Variants in R3HDM1 observed in about 807,000 individuals in gnomAD.
R3HDM1 encodes R3H domain containing 1.
R3HDM1 carries 46 observed loss-of-function variants against 141.1 expected under a neutral mutation model. The ratio of observed to expected loss-of-function variants is 0.33; its 90% CI spans 0.26 to 0.42. The LOEUF is 0.42. Among genes scored for constraint, R3HDM1 ranks in the 10% least tolerant of loss-of-function variants. The probability of loss-of-function intolerance (pLI) is 1.00; values close to 1 mark genes in which losing one functional copy is unlikely to be tolerated. For missense variants in R3HDM1, 1,184 were observed against 1,368.3 expected (o/e 0.87, Z 2.12); for synonymous variants, 435 against 472.9 (o/e 0.92, Z 1.04).
intron 18 of R3HDM1, among the ~76,000 whole-genome samples, chr2:135,655,102 T>C (rs1470208669): frequency 6.6e-6 from 1 of 152,198 alleles, no homozygotes; most frequent in African/African-American, 2.4e-5. Context: ...GCTTGTGCTT[T>C]TGGTGTCATA....
At chr2:135,579,849 T>C (rs1706392019) in intron 1 of R3HDM1, among the ~76,000 whole-genome samples, 1 of 152,202 alleles carries the variant, frequency 6.6e-6, no homozygotes, top group Admixed American at 6.5e-5. Flanking sequence ...TCAGTAATTG[T>C]ACTATAATTT....
intron 1 of R3HDM1, among the ~76,000 whole-genome samples, chr2:135,558,449 C>T (rs974544157): frequency 5.9e-5 from 9 of 152,076 alleles, no homozygotes; most frequent in African/African-American, 1.7e-4. Context: ...CTGTTGTTTT[C>T]CCATTTGTAA....
chr2:135,578,386 A>G (rs1705982352), intron 1 of R3HDM1, among the ~76,000 whole-genome samples: 1 of 152,198 alleles, frequency 6.6e-6, no homozygotes, highest in South Asian at 2.1e-4. Context: ...ATACATGAGA[A>G]TGGGGTAGAA....
chr2:135,715,783 T>TTCTATTTCTACATTTA (rs1185861623), intron 24 of R3HDM1, 89 bp downstream of exon 24: 27 of 1,472,872 alleles, frequency 1.8e-5, no homozygotes, highest in African/African-American at 8.4e-5. Context: ...AATATTGCCT[T>TTCTATTTCTACATTTA]TCTATTTTCC....
chr2:135,582,617 C>T (rs1329619122), intron 1 of R3HDM1, among the ~76,000 whole-genome samples: 1 of 152,058 alleles, frequency 6.6e-6, no homozygotes, highest in Non-Finnish European at 1.5e-5. Context: ...GGCCAGAAAC[C>T]CACACTGCGT....
chr2:135,721,850 A>T, intron 24 of R3HDM1, 74 bp from the exon 25 acceptor site: 1 of 1,344,868 alleles, frequency 7.4e-7, no homozygotes, highest in Non-Finnish European at 1.0e-6. Context: ...AGCCTCCCAA[A>T]TTGCTAGGAT....
At chr2:135,628,905 C>T (rs956522897) in intron 7 of R3HDM1, among the ~76,000 whole-genome samples, 1 of 152,228 alleles carries the variant, frequency 6.6e-6, no homozygotes, top group South Asian at 2.1e-4. Flanking sequence ...GGATTACAGG[C>T]GTGAGCCACC....
At chr2:135,595,960 A>G (rs1223256737) in intron 1 of R3HDM1, among the ~76,000 whole-genome samples, 1 of 152,026 alleles carries the variant, frequency 6.6e-6, no homozygotes, top group Non-Finnish European at 1.5e-5. Flanking sequence ...TCTATTACTC[A>G]AGCTTCCTGT....
In R3HDM1 at chr2:135,680,177, C is replaced by T; in HGVS notation, c.2312C>T (p.Ser771Leu). ...PYTSVPTYQV[S>L]LPQGSQGIPH... ...AAATTGTCTTTCAAATTTTAGGTTT[C>T]ACTGCCTCAAGGTTCTCAAGGAATT... Residue 771 changes from serine to leucine, a missense_variant, in exon 21 of 27, where the codon TCA (serine) becomes TTA (leucine). Physicochemically the swap from Ser to Leu is moderately radical, Grantham distance 145. Transcript: ENST00000683871. 2 of 1,610,404 alleles carry T rather than the reference C, an allele frequency of 1.2e-6. No homozygotes were observed. The highest frequency in any genetic ancestry group is 1.7e-6 in the Non-Finnish European group (2 of 1,178,862).
chr2:135,686,615 G>T (rs59413285), intron 21 of R3HDM1, among the ~76,000 whole-genome samples: 31,325 of 152,156 alleles, frequency 0.21, 3,766 homozygotes, highest in East Asian at 0.44. Flanking sequence ...AAATACCTGT[G>T]AAGCTAGTCT....
intron 11 of R3HDM1, 87 bp downstream of exon 11, chr2:135,636,270 C>T: frequency 6.8e-7 from 1 of 1,478,328 alleles, no homozygotes; most frequent in East Asian, 2.3e-5. Context: ...CTATTGATCA[C>T]ATTTATTTTT....
At position 135,632,047 on chromosome 2, in the gene R3HDM1, A is replaced by G. The variant is rs1243268802; in HGVS notation, c.698+46A>G. 12 of 1,368,316 alleles carry G rather than the reference A, an allele frequency of 8.8e-6. No individual in the cohort carries two copies. The East Asian group carries it at 2.8e-4, about 32-fold the overall frequency. The allele number at this position is 1,368,316 out of a possible 1,614,324, so 84.8% of individuals were successfully genotyped here. A position where few individuals can be genotyped will look rare whatever the true frequency, so the allele number is the denominator to read the frequency against. On this transcript the variant is annotated intron_variant, in intron 9 of 26. Transcript: ENST00000683871. ...CTACATATTATATATCTAAATAATA[A>G]TACTTTATCTTTCTATATTACCTTT...
intron 1 of R3HDM1, among the ~76,000 whole-genome samples, chr2:135,569,375 T>C (rs1703533275): frequency 6.6e-6 from 1 of 151,676 alleles, no homozygotes; most frequent in Admixed American, 6.6e-5. Context: ...ACCAGCTACC[T>C]GGGAGGCTGA....
rs192091368 is a variant in R3HDM1 at position 135,723,413 on chromosome 2, C to A, written c.3050-524C>A. ...ACTAGGATTACAGGTGCGCCCGGCT[C>A]AGTAGCTTTAACACTATTAGCCCTC... On this transcript the variant is annotated intron_variant, in intron 26 of 26. Coordinates refer to ENST00000683871, the MANE Select transcript of R3HDM1 (RefSeq NM_001378107.1). Among the ~76,000 whole-genome samples the A allele has an allele frequency of 8.3e-4, 126 of 151,952 alleles. 2 individuals carry two copies. The highest frequency in any genetic ancestry group is 6.2e-3 in the Admixed American group (95 of 15,244).
chr2:135,576,574 A>T (rs1210958993), intron 1 of R3HDM1, among the ~76,000 whole-genome samples: 1 of 152,178 alleles, frequency 6.6e-6, no homozygotes, highest in Non-Finnish European at 1.5e-5. Context: ...TCATAGCATT[A>T]TTCATAACAG....
intron 5 of R3HDM1, chr2:135,619,809 A>T (rs1379718648): frequency 2.7e-6 from 2 of 728,956 alleles, no homozygotes; most frequent in East Asian, 2.6e-4. Flanking sequence ...GAGGCAATTA[A>T]GAGAGAGATG....
chr2:135,617,544 G>A (rs1027030867), intron 5 of R3HDM1, among the ~76,000 whole-genome samples: 4 of 151,978 alleles, frequency 2.6e-5, no homozygotes, highest in African/African-American at 9.7e-5. Flanking sequence ...TAGTTATCTA[G>A]TATTTCTAAT....
At chr2:135,703,843 C>T (rs112686434) in intron 21 of R3HDM1, among the ~76,000 whole-genome samples, 23 of 152,166 alleles carry the variant, frequency 1.5e-4, no homozygotes, top group African/African-American at 4.8e-4. Flanking sequence ...GGTATATATA[C>T]CCTCACCACA....
chr2:135,693,928 C>G (rs548733815), intron 21 of R3HDM1, among the ~76,000 whole-genome samples: 1 of 152,204 alleles, frequency 6.6e-6, no homozygotes, highest in South Asian at 2.1e-4. Flanking sequence ...TAGCTTGAAC[C>G]CGGAGGCAGA....
Sources: allele counts gnomAD v4.1 joint callset (sites outside exome capture counted in the v4.1 genomes callset), GRCh38; gene constraint gnomAD v4.1.1; transcripts MANE v1.5; gene names NCBI Gene and HGNC (gene_info 2026-07-23, HGNC 2026-07-21).